The following DNM1 variants were observed in gnomAD, a reference collection of about 807,000 sequenced individuals.
The protein encoded by DNM1 is dynamin 1, also known as dynamin-1.
Under a neutral mutation model 104.6 loss-of-function variants are expected in DNM1, and 29 were observed. The ratio of observed to expected loss-of-function variants is 0.28; its 90% CI spans 0.21 to 0.38. The LOEUF (loss-of-function observed/expected upper bound fraction) is 0.38. Ranked by LOEUF, DNM1 falls within the 10% of genes least tolerant of loss-of-function variation. The pLI is 1.00. For missense variants in DNM1, 640 were observed against 1,189.4 expected, an observed-to-expected ratio of 0.54 and a Z score of 6.79; for synonymous variants, 445 against 475.8, an observed-to-expected ratio of 0.94 and a Z score of 0.84.
intron 15 of DNM1, among the ~76,000 whole-genome samples, chr9:128,242,696 G>C (rs1376554336): frequency 6.6e-6 from 1 of 152,094 alleles, no homozygotes; most frequent in African/African-American, 2.4e-5. Flanking sequence ...GGAGGCGGAG[G>C]TTGCAGTGAG....
Position 128,253,914 on chromosome 9 carries a change from G to T in DNM1, c.2535-740G>T. ...GTCACTTGTGCCATTCAGCCAAGGG[G>T]ACGACCGTGCCTGCTGGCCCAGCTG... On this transcript the variant is annotated intron_variant, in intron 21 of 21. Transcript: ENST00000372923. This position sits in a 1 kb window ranked among gnomAD's most constrained non-coding sequence, Gnocchi z 5.9. The T allele has an allele frequency of 8.1e-7, 1 of 1,227,388 alleles. No individual in the cohort carries two copies. Among genetic ancestry groups the T allele is most frequent in the Non-Finnish European group, 1.0e-6 (1 of 983,678 alleles). The allele number at this position is 1,227,388 out of a possible 1,614,324, so 76.0% of individuals were successfully genotyped here. A position where few individuals can be genotyped will look rare whatever the true frequency, so the allele number is the denominator to read the frequency against.
chr9:128,252,330 T>C, intron 21 of DNM1: 1 of 366,594 alleles, frequency 2.7e-6, no homozygotes, highest in Admixed American at 3.7e-5. Flanking sequence ...ACTCCAGTCT[T>C]GCTAACACAC....
chr9:128,211,610 G>A (rs574947122), intron 1 of DNM1, among the ~76,000 whole-genome samples: 9 of 149,870 alleles, frequency 6.0e-5, no homozygotes, highest in Non-Finnish European at 1.2e-4. Flanking sequence ...GGCCCCAAGC[G>A]ATCCTCCCAC....
At position 128,243,305 on chromosome 9, in the gene DNM1, G is replaced by T. The variant is rs1425116512; in HGVS notation, c.1671+960G>T. On this transcript the variant is annotated intron_variant, in intron 15 of 21. Transcript: ENST00000372923. This position sits in a 1 kb window ranked among gnomAD's most constrained non-coding sequence, Gnocchi z 4.0. ...TGGGGAGGGCTGGGGGTGGGCTTGTGGTAATGAACTCCAGCTGGCCAAGGA... is the reference window on the plus strand; with the variant it reads ...TGGGGAGGGCTGGGGGTGGGCTTGTTGTAATGAACTCCAGCTGGCCAAGGA... Among the ~76,000 whole-genome samples, 3 of 152,158 alleles carry T rather than the reference G, an allele frequency of 2.0e-5. No individual in the cohort carries two copies. Among genetic ancestry groups the T allele is most frequent in the Non-Finnish European group, 4.4e-5 (3 of 68,022 alleles).
chr9:128,222,264 C>T lies in DNM1; in HGVS notation c.917C>T (p.Ser306Phe), dbSNP rs745752040. The stretch of plus-strand genomic sequence containing the variant: ...AACAAGCTGCAGAGCCAGCTACTGT[C>T]CATTGAGAAGGAGGTGGAGGAATAC... Reference protein sequence around the residue: ...LRNKLQSQLLSIEKEVEEYKN... With the variant: ...LRNKLQSQLLFIEKEVEEYKN... The change falls in exon 7 of 22, where the codon TCC becomes TTC. Residue 306 changes from serine (S) to phenylalanine (F), a missense_variant. Around this residue, in one of 7 missense-constraint regions of DNM1, gnomAD observed 81 missense variants for 99.8 expected, o/e 0.81. Transcript: ENST00000372923. The surrounding 1 kb of genome is among the most constrained non-coding windows in gnomAD (Gnocchi z 7.8). 5.0e-6 allele frequency: 8 copies of T among 1,614,186 alleles called. No individual in the cohort carries two copies. The South Asian group carries it at 8.8e-5, about 18-fold the overall frequency.
At chr9:128,214,413 C>T (rs368080593) in intron 1 of DNM1, among the ~76,000 whole-genome samples, 2 of 152,034 alleles carry the variant, frequency 1.3e-5, no homozygotes, top group East Asian at 3.9e-4. Flanking sequence ...GACATCAGAG[C>T]CCAAAAAAGA....
At chr9:128,230,662 C>T (rs1004523175) in intron 10 of DNM1, among the ~76,000 whole-genome samples, 3 of 151,684 alleles carry the variant, frequency 2.0e-5, no homozygotes, top group African/African-American at 7.3e-5. Flanking sequence ...ATGTTGGCCA[C>T]GCTAGTCTCG....
chr9:128,237,357 G>A (rs1041114405), intron 11 of DNM1, among the ~76,000 whole-genome samples: 1 of 151,966 alleles, frequency 6.6e-6, no homozygotes, highest in Non-Finnish European at 1.5e-5. Flanking sequence ...TGCCTCCCGG[G>A]TTCAAGCCAT....
intron 10 of DNM1, among the ~76,000 whole-genome samples, chr9:128,231,448 A>T (rs1588400197): frequency 6.6e-6 from 1 of 151,892 alleles, no homozygotes; most frequent in South Asian, 2.1e-4. Flanking sequence ...TGATCTGCCC[A>T]CCTCGGCCTC....
At chr9:128,214,471 C>T (rs1432113557) in intron 1 of DNM1, among the ~76,000 whole-genome samples, 1 of 152,168 alleles carries the variant, frequency 6.6e-6, no homozygotes, top group East Asian at 1.9e-4. Context: ...CAGTTAAGCA[C>T]GTTACTTCCT....
At chr9:128,212,787 A>G (rs1371068123) in intron 1 of DNM1, among the ~76,000 whole-genome samples, 2 of 151,510 alleles carry the variant, frequency 1.3e-5, no homozygotes, top group Non-Finnish European at 2.9e-5. Flanking sequence ...TATAATTTAC[A>G]TGCCATACCA....
intron 4 of DNM1, among the ~76,000 whole-genome samples, chr9:128,219,680 A>G (rs898055655): frequency 2.1e-5 from 3 of 140,884 alleles, no homozygotes; most frequent in Admixed American, 7.1e-5. Context: ...AAAGAAAAAA[A>G]GGCTGGGTGC....
chr9:128,222,374 G>C lies in DNM1; in HGVS notation c.992+35G>C. The C allele has an allele frequency of 6.2e-7, 1 of 1,607,792 alleles. No homozygotes were observed. Among genetic ancestry groups the C allele is most frequent in the Non-Finnish European group, 8.5e-7 (1 of 1,175,808 alleles). On this transcript the variant is annotated intron_variant, in intron 7 of 21. Coordinates refer to ENST00000372923, the MANE Select transcript of DNM1 (RefSeq NM_004408.4). This position sits in a 1 kb window ranked among gnomAD's most constrained non-coding sequence, Gnocchi z 7.8. The stretch of plus-strand genomic sequence containing the variant: ...CCCCAGCTCCTATCACTGAATCCCC[G>C]CCCCCAGCCTCTCAGCGTGGGGCTC...
intron 10 of DNM1, among the ~76,000 whole-genome samples, chr9:128,230,026 T>A (rs1287901253): frequency 6.6e-6 from 1 of 151,994 alleles, no homozygotes; most frequent in Non-Finnish European, 1.5e-5. Flanking sequence ...AAGACCAGCC[T>A]GGCCAACATG....
chr9:128,220,031 C>T lies in DNM1; in HGVS notation c.633C>T (p.Asp211=), dbSNP rs1043525791. The T allele has an allele frequency of 1.6e-5, 26 of 1,604,374 alleles. No individual in the cohort carries two copies. Among genetic ancestry groups the T allele is most frequent in the East Asian group, 2.2e-5 (1 of 44,566 alleles). Residue 211 remains aspartate, a synonymous_variant, in exon 5 of 22, where the codon GAC becomes GAT. Coordinates refer to ENST00000372923, the MANE Select transcript of DNM1 (RefSeq NM_004408.4). The surrounding 1 kb of genome is among the most constrained non-coding windows in gnomAD (Gnocchi z 5.2). ...IGVITKLDLM[D]EGTDARDVLE... ...TCATCACCAAGCTGGACCTGATGGACGAGGGCACAGATGCCCGTGATGTGC... is the reference window on the plus strand; with the variant it reads ...TCATCACCAAGCTGGACCTGATGGATGAGGGCACAGATGCCCGTGATGTGC...
chr9:128,227,171 A>G (rs923967984), intron 10 of DNM1, among the ~76,000 whole-genome samples: 57 of 150,830 alleles, frequency 3.8e-4, no homozygotes, highest in African/African-American at 1.4e-3. Context: ...GTACCACCAC[A>G]CCTGGCTAAT....
At chr9:128,208,915 G>A (rs1337200523) in intron 1 of DNM1, among the ~76,000 whole-genome samples, 2 of 152,124 alleles carry the variant, frequency 1.3e-5, no homozygotes, top group Non-Finnish European at 2.9e-5. Flanking sequence ...GCAGGTGCAG[G>A]GACTGTCCTG....
intron 19 of DNM1, 123 bp from the exon 20 acceptor site, chr9:128,249,992 A>T (rs1457557521): frequency 2.8e-6 from 4 of 1,420,808 alleles, no homozygotes; most frequent in East Asian, 2.3e-5. Flanking sequence ...CTTCCAGTCT[A>T]CGCAGTGTAG....
chr9:128,250,715 T>C lies in DNM1; in HGVS notation c.2319-10T>C. The C allele has an allele frequency of 1.4e-6, 2 of 1,460,378 alleles. No individual in the cohort carries two copies. The highest frequency in any genetic ancestry group is 2.6e-5 in the South Asian group (2 of 75,980). The allele number at this position is 1,460,378 out of a possible 1,614,324, so 90.5% of individuals were successfully genotyped here. ...GCCTCTCCTTGTTCCTCGCTCCCTG[T>C]CGCCCTCAGGTCGCCCACGTCCAGC... On this transcript the variant is annotated splice_polypyrimidine_tract_variant and intron_variant, in intron 20 of 21. Transcript: ENST00000372923.
Sources: gnomAD v4.1 joint callset for allele counts (sites outside exome capture counted in the v4.1 genomes callset) on GRCh38, gnomAD v4.1.1 for gene constraint, gnomAD v4.1.1 regional missense constraint, Gnocchi (gnomAD v3.1) non-coding constraint, MANE v1.5 for transcripts, NCBI Gene and HGNC (gene_info 2026-07-23, HGNC 2026-07-21) for gene names.